The following TCF20 variants were observed in gnomAD, a reference collection of about 807,000 sequenced individuals.
TCF20 encodes transcription factor 20.
In TCF20, 3 loss-of-function variants were observed where a neutral mutation model predicts 148.6. The observed-to-expected ratio is 0.02, with a 90% CI of 0.01 to 0.05. The LOEUF is 0.05. Among genes scored for constraint, TCF20 ranks in the 10% least tolerant of loss-of-function variants. The pLI is 1.00. For synonymous variants in TCF20, 1,049 were observed against 909.5 expected (o/e 1.15, Z -2.76); for missense variants, 2,350 against 2,429.3 (o/e 0.97, Z 0.69).
intron 1 of TCF20, among the ~76,000 whole-genome samples, chr22:42,217,168 G>T (rs1921892516): frequency 6.6e-6 from 1 of 152,048 alleles, no homozygotes; most frequent in African/African-American, 2.4e-5. Flanking sequence ...GGTCTCAAAG[G>T]CCCCTGCTCC....
intron 1 of TCF20, among the ~76,000 whole-genome samples, chr22:42,341,063 G>C (rs538408013): frequency 6.6e-6 from 1 of 152,162 alleles, no homozygotes; most frequent in Non-Finnish European, 1.5e-5. Context: ...AGCGCGCGCC[G>C]GCTGCCAGGA....
chr22:42,271,934 G>A (rs77104383), upstream of TCF20, among the ~76,000 whole-genome samples: 407 of 151,482 alleles, frequency 2.7e-3, 3 homozygotes, highest in Non-Finnish European at 3.7e-3. Context: ...CCTAGCCATT[G>A]CCTTTTCTCA....
chr22:42,318,444 G>A (rs1037981572), intron 1 of TCF20, among the ~76,000 whole-genome samples: 1 of 152,210 alleles, frequency 6.6e-6, no homozygotes, highest in South Asian at 2.1e-4. Context: ...GAGGAGGGAG[G>A]AGTGCGGCGC....
rs115095004 is a variant in TCF20 at position 42,168,712 on chromosome 22, G to A, written c.5824C>T (p.Pro1942Ser). 600 of 1,611,378 alleles carry A rather than the reference G, an allele frequency of 3.7e-4. 4 individuals carry two copies. In the African/African-American group the frequency reaches 6.1e-3, roughly 16 times the overall value. ...HKPPLPCPLP[P>S]LQNKTAKGSL... is the part of the protein sequence containing the mutation. ...CCTTTCGCGGTCTTGTTCTGCAAGGGGGGGAGAGGGCACGGAAGGGGAGGC... is the reference window on the plus strand; with the variant it reads ...CCTTTCGCGGTCTTGTTCTGCAAGGAGGGGAGAGGGCACGGAAGGGGAGGC... The change falls in exon 5 of 6, where the codon CCC becomes TCC. Residue 1942 changes from proline to serine, a missense_variant. Pro to Ser is a moderately conservative substitution (Grantham distance 74). Transcript: ENST00000677622.
chr22:42,275,919 G>T (rs1378641556), intron 1 of TCF20, among the ~76,000 whole-genome samples: 1 of 152,160 alleles, frequency 6.6e-6, no homozygotes, highest in Non-Finnish European at 1.5e-5. Context: ...AGTGGGTACT[G>T]TTCTCGCCTC....
chr22:42,216,882 C>G (rs910671461), intron 1 of TCF20, among the ~76,000 whole-genome samples: 3 of 152,144 alleles, frequency 2.0e-5, no homozygotes, highest in African/African-American at 7.2e-5. Context: ...CCTGTCTCCT[C>G]AGAGTCAGAG....
chr22:42,326,578 G>A (rs1017576781), intron 1 of TCF20, among the ~76,000 whole-genome samples: 9 of 152,188 alleles, frequency 5.9e-5, no homozygotes, highest in African/African-American at 2.2e-4. Context: ...GGTAAGGATG[G>A]GGGCCACCAG....
chr22:42,236,198 AC>A (rs1358432258), intron 1 of TCF20, among the ~76,000 whole-genome samples: 7 of 152,174 alleles, frequency 4.6e-5, no homozygotes, highest in Admixed American at 6.6e-5. Flanking sequence ...AAAAACAAAA[AC>A]AAAAAAACAA....
intron 1 of TCF20, among the ~76,000 whole-genome samples, chr22:42,277,224 C>T (rs1601689234): frequency 6.6e-6 from 1 of 152,220 alleles, no homozygotes; most frequent in East Asian, 1.9e-4. Context: ...AATGCCACCT[C>T]CTCCACAAAC....
At chr22:42,241,408 G>A (rs182581885) in intron 1 of TCF20, among the ~76,000 whole-genome samples, 7 of 152,268 alleles carry the variant, frequency 4.6e-5, no homozygotes, top group East Asian at 1.9e-4. Flanking sequence ...AAATAAAAGC[G>A]AAGTTTGAAA....
intron 2 of TCF20, among the ~76,000 whole-genome samples, chr22:42,185,063 C>G (rs1370097344): frequency 6.6e-6 from 1 of 152,200 alleles, no homozygotes; most frequent in Non-Finnish European, 1.5e-5. Flanking sequence ...CCTGCTCATT[C>G]ACAGAAAGGC....
intron 2 of TCF20, among the ~76,000 whole-genome samples, chr22:42,190,409 A>G (rs1350590358): frequency 2.0e-5 from 3 of 152,138 alleles, no homozygotes; most frequent in Non-Finnish European, 4.4e-5. Context: ...GCAGCCAACT[A>G]TGATCACACC....
At chr22:42,225,611 A>C in intron 1 of TCF20, among the ~76,000 whole-genome samples, 1 of 129,738 alleles carries the variant, frequency 7.7e-6, no homozygotes, top group Admixed American at 8.4e-5. Flanking sequence ...ACAGAGCGAG[A>C]CTCCGTCTCA....
intron 1 of TCF20, among the ~76,000 whole-genome samples, chr22:42,295,283 C>G (rs1030237689): frequency 3.9e-5 from 6 of 152,158 alleles, no homozygotes; most frequent in Non-Finnish European, 8.8e-5. Context: ...CCTCCCCACC[C>G]TCTGTGAGCC....
Position 42,323,601 on chromosome 22 carries a change from C to G in TCF20, c.-37+19878G>C, listed in dbSNP as rs1338603179. On this transcript the variant is annotated intron_variant, in intron 1 of 1. Transcript: ENST00000515426. ...GGAGGGGATATAGCAAATGCAAAGG[C>G]TGGAAGCAGGAAGTGCACATAGGAG... Among the ~76,000 whole-genome samples, 4 of 151,842 alleles carry G rather than the reference C, an allele frequency of 2.6e-5. No homozygotes were observed. In the East Asian group the frequency reaches 7.7e-4, roughly 29 times the overall value.
chr22:42,173,164 C>T (rs17002862), intron 3 of TCF20, among the ~76,000 whole-genome samples: 3 of 150,230 alleles, frequency 2.0e-5, no homozygotes, highest in African/African-American at 4.9e-5. Context: ...TCTTTACGCA[C>T]AGTGGAATTA....
At chr22:42,224,534 C>CAAAAAAAAAAA (rs66858906) in intron 1 of TCF20, among the ~76,000 whole-genome samples, 5 of 39,568 alleles carry the variant, frequency 1.3e-4, no homozygotes, top group Non-Finnish European at 1.9e-4. Context: ...AAAGCTGGTA[C>CAAAAAAAAAAA]AAAAAAAAAA....
At chr22:42,176,380 G>C (rs943547829) in intron 3 of TCF20, among the ~76,000 whole-genome samples, 23 of 25,028 alleles carry the variant, frequency 9.2e-4, no homozygotes, top group Admixed American at 4.8e-3. Context: ...TGGAAGGAAG[G>C]GGGGGGCAGG....
chr22:42,168,849 G>C, intron 4 of TCF20, 113 bp from the exon 5 acceptor site: 1 of 1,384,274 alleles, frequency 7.2e-7, no homozygotes, highest in Non-Finnish European at 9.5e-7. Context: ...AAAAGGCAGA[G>C]TCAGTCCTGA....
Sources: gnomAD v4.1 joint callset for allele counts (sites outside exome capture counted in the v4.1 genomes callset) on GRCh38, gnomAD v4.1.1 for gene constraint, MANE v1.5 for transcripts, NCBI Gene and HGNC (gene_info 2026-07-23, HGNC 2026-07-21) for gene names.